The following MYH1 variants were observed in gnomAD, a reference collection of about 807,000 sequenced individuals.
MYH1 encodes the protein myosin-1.
In MYH1, 214 loss-of-function variants were observed where a neutral mutation model predicts 225.6. That is an observed-to-expected ratio of 0.95 (90% CI 0.85 to 1.06). The LOEUF (loss-of-function observed/expected upper bound fraction) is 1.06. Ranked by LOEUF, MYH1 falls within the 50% of genes least tolerant of loss-of-function variation. MYH1 has a pLI of 0.00. For synonymous variants in MYH1, 774 were observed against 842.3 expected (o/e 0.92, Z 1.40); for missense variants, 2,098 against 2,344.2 (o/e 0.89, Z 2.17).
chr17:10,494,729 C>A, intron 37 of MYH1, 56 bp from the exon 38 acceptor site: 1 of 1,606,458 alleles, frequency 6.2e-7, no homozygotes, highest in South Asian at 1.1e-5. Context: ...TACTTCTTCA[C>A]ATGACCCACA....
chr17:10,492,740 C>T (rs2072947901), intron 39 of MYH1, among the ~76,000 whole-genome samples, 172 bp from the exon 40 acceptor site: 1 of 151,616 alleles, frequency 6.6e-6, no homozygotes, highest in Non-Finnish European at 1.5e-5. Flanking sequence ...GCATTAGCTT[C>T]TTGAACTCAT....
At chr17:10,507,792 T>G (rs921245525) in intron 17 of MYH1, 94 bp downstream of exon 17, 1 of 1,042,910 alleles carries the variant, frequency 9.6e-7, no homozygotes, top group Admixed American at 1.8e-5. Flanking sequence ...GTCACATCAG[T>G]TCTAGAATCC....
chr17:10,494,751 C>T lies in MYH1; in HGVS notation c.5467-78G>A, dbSNP rs2072969965. ...TCACATGACCCACATACTTCTTCTA[C>T]TCTGCTTTATATGTAGTTTTTAATG... is the stretch of plus-strand genomic sequence containing the variant. On this transcript the variant is annotated intron_variant, in intron 37 of 39. Coordinates refer to ENST00000226207, the MANE Select transcript of MYH1 (RefSeq NM_005963.4). The T allele has an allele frequency of 3.8e-6, 6 of 1,595,954 alleles. No homozygotes were observed. The Admixed American group carries it at 6.9e-5, about 18-fold the overall frequency.
chr17:10,494,664 GT>G lies in MYH1; in HGVS notation c.5475del (p.Glu1825AspfsTer27). 6.2e-7 allele frequency: 1 copy of G among 1,613,782 alleles called. No homozygotes were observed. Among genetic ancestry groups the G allele is most frequent in the South Asian group, 1.1e-5 (1 of 91,036 alleles). ...QIQKLEARVR[E>X]LEGEVESEQK... is the part of the protein sequence containing the mutation. Reference sequence around the variant, plus strand: ...TGTTCACTTTCAACTTCACCTTCAAGTTCACGAACCTACAAGAAGATGGACA... The same window carrying G: ...TGTTCACTTTCAACTTCACCTTCAAGTCACGAACCTACAAGAAGATGGACA... On this transcript the variant is annotated frameshift_variant, in exon 38 of 40. Coordinates refer to ENST00000226207, the MANE Select transcript of MYH1 (RefSeq NM_005963.4). LOFTEE classifies it high-confidence loss of function.
chr17:10,500,601 A>G, intron 28 of MYH1, 25 bp downstream of exon 28: 3 of 1,611,060 alleles, frequency 1.9e-6, no homozygotes, highest in Non-Finnish European at 1.7e-6. Flanking sequence ...TTGTCATTCA[A>G]GGTCAGTACT....
At position 10,492,520 on chromosome 17, in the gene MYH1, C is replaced by T. The variant is rs368680249; in HGVS notation, c.5716G>A (p.Glu1906Lys). The T allele has an allele frequency of 8.1e-6, 13 of 1,613,992 alleles. No homozygotes were observed. The highest frequency in any genetic ancestry group is 9.3e-6 in the Non-Finnish European group (11 of 1,180,012). The change falls in exon 40 of 40, where the codon GAG becomes AAG. Residue 1906 changes from glutamate (E) to lysine (K), a missense_variant. By Grantham distance (56) the Glu-to-Lys change is moderately conservative. Transcript: ENST00000226207. ...GCCCGTTCCTCGGCCTCCTCCAGCT[C>T]GTGCTGGATCCTGCGGAATTTGGAG... ...NLSKFRRIQH[E>K]LEEAEERADI...
At chr17:10,507,135 C>G (rs2073120695) in intron 17 of MYH1, among the ~76,000 whole-genome samples, 1 of 152,136 alleles carries the variant, frequency 6.6e-6, no homozygotes, top group South Asian at 2.1e-4. Flanking sequence ...ATGATCTCAG[C>G]TCATGGCAAC....
intron 28 of MYH1, 83 bp downstream of exon 28, chr17:10,500,543 A>C: frequency 6.3e-7 from 1 of 1,592,206 alleles, no homozygotes. Flanking sequence ...TATGACCTCA[A>C]GTAAATAAAT....
Position 10,500,734 on chromosome 17 carries a change from A to T in MYH1, c.3757T>A (p.Cys1253Ser). ...SKAKGNLEKM[C>S]RALEDQLSEI... ...CTCAGTTGATCTTCTAGAGCGCGGC[A>T]CATCTTTTCAAGGTTTCCCTGCATT... Residue 1253 changes from cysteine to serine, a missense_variant, in exon 28 of 40, where the codon TGC (cysteine) becomes AGC (serine). Physicochemically the swap from Cys to Ser is moderately radical, Grantham distance 112. Coordinates refer to ENST00000226207, the MANE Select transcript of MYH1 (RefSeq NM_005963.4). 1 of 1,614,194 alleles carries T rather than the reference A, an allele frequency of 6.2e-7. No individual in the cohort carries two copies. The highest frequency in any genetic ancestry group is 8.5e-7 in the Non-Finnish European group (1 of 1,180,038).
At position 10,513,808 on chromosome 17, in the gene MYH1, C is replaced by T; in HGVS notation, c.741+13G>A. ...AAAGGCAGAGAAGACCCTTTGGCAA[C>T]CAAGAGACTTACAAAGCGAGAGGAG... On this transcript the variant is annotated intron_variant, in intron 8 of 39. Transcript: ENST00000226207. The T allele has an allele frequency of 6.2e-7, 1 of 1,614,146 alleles. No homozygotes were observed. The highest frequency in any genetic ancestry group is 8.5e-7 in the Non-Finnish European group (1 of 1,179,994).
chr17:10,496,515 C>T lies in MYH1; in HGVS notation c.4691G>A (p.Arg1564His), dbSNP rs750693945. The T allele has an allele frequency of 4.1e-5, 66 of 1,614,096 alleles. 1 individual carries two copies. The highest frequency in any genetic ancestry group is 4.1e-4 in the South Asian group (37 of 91,086). The change falls in exon 34 of 40, where the codon CGC becomes CAC. Residue 1564 changes from arginine (R) to histidine (H), a missense_variant. Transcript: ENST00000226207. The part of the protein sequence containing the change: ...SLEHEEGKIL[R>H]IQLELNQVKS... Reference sequence around the variant, plus strand: ...GACTTGGTTCAACTCAAGCTGGATGCGCAGGATCTTTCCCTCTTCATGTTC... The same window carrying T: ...GACTTGGTTCAACTCAAGCTGGATGTGCAGGATCTTTCCCTCTTCATGTTC...
chr17:10,506,054 G>A lies in MYH1; in HGVS notation c.2014C>T (p.His672Tyr), dbSNP rs371872450. The change falls in exon 18 of 40, where the codon CAC becomes TAC. Residue 672 changes from histidine (H) to tyrosine (Y), a missense_variant. Coordinates refer to ENST00000226207, the MANE Select transcript of MYH1 (RefSeq NM_005963.4). ...TTGGGGATGATGCACCGCACAAAGT[G>A]GGGGTGAGTGCTCCTCAAGTTGGTC... The part of the protein sequence containing the change: ...LMTNLRSTHP[H>Y]FVRCIIPNET... 4 of 1,614,066 alleles carry A rather than the reference G, an allele frequency of 2.5e-6. No homozygotes were observed. Among genetic ancestry groups the A allele is most frequent in the Non-Finnish European group, 2.5e-6 (3 of 1,180,024 alleles).
intron 16 of MYH1, 49 bp from the exon 17 acceptor site, chr17:10,508,005 G>GC: frequency 9.1e-7 from 1 of 1,100,606 alleles, no homozygotes; most frequent in South Asian, 1.6e-5. Context: ...TCTGGTTATG[G>GC]TTTTTTTTTT....
intron 39 of MYH1, 145 bp downstream of exon 39, chr17:10,494,209 T>G (rs1252332061): frequency 4.5e-6 from 3 of 669,246 alleles, no homozygotes; most frequent in Non-Finnish European, 7.4e-6. Flanking sequence ...GTCAGGTGGT[T>G]GGTTTTACCT....
Position 10,496,117 on chromosome 17 carries a change from G to T in MYH1, c.5002C>A (p.Gln1668Lys). The change falls in exon 35 of 40, where the codon CAG (glutamine) becomes AAG (lysine). Residue 1668 changes from glutamine (Q) to lysine (K), a missense_variant. Coordinates refer to ENST00000226207, the MANE Select transcript of MYH1 (RefSeq NM_005963.4). ...GCCAGCTGTTCCTTCAGGTCCTCCT[G>T]GCTCCGGAGAGCATCATCCAGGTGG... ...QLHLDDALRS[Q>K]EDLKEQLAMV... 6.2e-7 allele frequency: 1 copy of T among 1,614,148 alleles called. No individual in the cohort carries two copies. Among genetic ancestry groups the T allele is most frequent in the South Asian group, 1.1e-5 (1 of 91,074 alleles).
intron 35 of MYH1, among the ~76,000 whole-genome samples, chr17:10,495,705 G>T (rs1390070662): frequency 8.0e-6 from 1 of 125,500 alleles, no homozygotes; most frequent in African/African-American, 2.9e-5. Flanking sequence ...AGCTTGCAGC[G>T]AGCCGAGGTT....
chr17:10,492,396 C>G lies in MYH1; in HGVS notation c.*20G>C, dbSNP rs767852931. The G allele has an allele frequency of 4.3e-6, 7 of 1,612,456 alleles. No homozygotes were observed. The highest frequency in any genetic ancestry group is 5.9e-6 in the Non-Finnish European group (7 of 1,179,376). On this transcript the variant is annotated 3_prime_UTR_variant, in exon 40 of 40. Transcript: ENST00000226207. Reference sequence around the variant, plus strand: ...CACATTTTGTGCATTTCTTTGGTCACCTTTCAGCAGTTAGATAAATTACTC... The same window carrying G: ...CACATTTTGTGCATTTCTTTGGTCAGCTTTCAGCAGTTAGATAAATTACTC...
At chr17:10,512,374 T>A in intron 12 of MYH1, 34 bp downstream of exon 12, 1 of 1,614,078 alleles carries the variant, frequency 6.2e-7, no homozygotes, top group African/African-American at 1.3e-5. Context: ...GCCTATATTC[T>A]CTCATTAAAC....
chr17:10,499,095 G>C lies in MYH1; in HGVS notation c.3866-3C>G. On this transcript the variant is annotated splice_region_variant and splice_polypyrimidine_tract_variant and intron_variant, in intron 28 of 39. Transcript: ENST00000226207. ...ATCTAGCTGGCGTGAATATTCACCTGTAAAAGACCAAGTCCAGAAAACTCA... is the reference window on the plus strand; with the variant it reads ...ATCTAGCTGGCGTGAATATTCACCTCTAAAAGACCAAGTCCAGAAAACTCA... 1.2e-6 allele frequency: 2 copies of C among 1,602,522 alleles called. No homozygotes were observed. The highest frequency in any genetic ancestry group is 1.7e-6 in the Non-Finnish European group (2 of 1,171,118).
Sources: gnomAD v4.1 joint callset for allele counts (sites outside exome capture counted in the v4.1 genomes callset) on GRCh38, gnomAD v4.1.1 for gene constraint, MANE v1.5 for transcripts, NCBI Gene and HGNC (gene_info 2026-07-23, HGNC 2026-07-21) for gene names.